TFRC: variants seen among roughly 807,000 people sequenced by gnomAD.
TFRC encodes the protein transferrin receptor protein 1.
TFRC carries 35 observed loss-of-function variants against 85.8 expected under a neutral mutation model. The ratio of observed to expected loss-of-function variants is 0.41; its 90% CI spans 0.31 to 0.54. The LOEUF (loss-of-function observed/expected upper bound fraction) is 0.54, where lower values mean the gene tolerates loss of function less well. Ranked by LOEUF, TFRC falls within the 20% of genes least tolerant of loss-of-function variation. The pLI is 0.31. For synonymous variants in TFRC, 362 were observed against 328.6 expected (o/e 1.10, Z -1.10); for missense variants, 828 against 921.5 (o/e 0.90, Z 1.31).
chr3:196,070,416 C>G (rs981772372), intron 6 of TFRC, among the ~76,000 whole-genome samples: 1 of 152,120 alleles, frequency 6.6e-6, no homozygotes, highest in African/African-American at 2.4e-5. Flanking sequence ...AGGCACCCAC[C>G]ACCACGCCTG....
chr3:196,079,368 T>C (rs1449632271), intron 1 of TFRC, among the ~76,000 whole-genome samples: 1 of 151,776 alleles, frequency 6.6e-6, no homozygotes, highest in African/African-American at 2.4e-5. Context: ...CAGCAACACT[T>C]TGGGAGGCCG....
intron 11 of TFRC, 111 bp from the exon 12 acceptor site, chr3:196,063,050 C>A: frequency 2.3e-5 from 16 of 688,516 alleles, no homozygotes; most frequent in Admixed American, 7.5e-5. Flanking sequence ...TAGCAGATTC[C>A]AAAATCTTTT....
chr3:196,071,858 T>C (rs1718236511), intron 5 of TFRC, 145 bp downstream of exon 5: 2 of 844,000 alleles, frequency 2.4e-6, no homozygotes, highest in African/African-American at 3.4e-5. Flanking sequence ...GAGCAGAGAT[T>C]GTGCCACTGC....
rs1716185220 is a variant in TFRC at position 196,050,047 on chromosome 3, T to C, written c.*1895A>G. On this transcript the variant is annotated 3_prime_UTR_variant, in exon 19 of 19. Transcript: ENST00000360110. ...CACCACGAATGGGTAGGCAGACGTGTCAGACCTTCAGGGGACTCTCCTTCC... is the reference window on the plus strand; with the variant it reads ...CACCACGAATGGGTAGGCAGACGTGCCAGACCTTCAGGGGACTCTCCTTCC... 1.7e-5 allele frequency: 4 copies of C among 231,358 alleles called. No homozygotes were observed. Among genetic ancestry groups the C allele is most frequent in the African/African-American group, 4.4e-5 (2 of 45,226 alleles). The allele number at this position is 231,358 out of a possible 1,614,324, so 14.3% of individuals were successfully genotyped here.
In TFRC at chr3:196,069,581, C is replaced by A; in HGVS notation, c.688-13G>T. 1 of 1,488,060 alleles carries A rather than the reference C, an allele frequency of 6.7e-7. No homozygotes were observed. Among genetic ancestry groups the A allele is most frequent in the Non-Finnish European group, 9.4e-7 (1 of 1,067,582 alleles). 92.2% of individuals were successfully genotyped at this position (1,488,060 alleles called of 1,614,324 possible). A position where few individuals can be genotyped will look rare whatever the true frequency, so the allele number is the denominator to read the frequency against. ...GGACCAGTTTACCCTAGAACAAAGACATTAGATTTAATGAGCATTATGGTA... is the reference window on the plus strand; with the variant it reads ...GGACCAGTTTACCCTAGAACAAAGAAATTAGATTTAATGAGCATTATGGTA... On this transcript the variant is annotated splice_polypyrimidine_tract_variant and intron_variant, in intron 6 of 18. Transcript: ENST00000360110.
rs986428206 is a variant in TFRC at position 196,060,658 on chromosome 3, T to C, written c.1469-411A>G. 1.9e-5 allele frequency: 3 copies of C among 160,610 alleles called. No individual in the cohort carries two copies. The Admixed American group carries it at 1.9e-4, about 10-fold the overall frequency. The allele number at this position is 160,610 out of a possible 1,614,324, so 9.9% of individuals were successfully genotyped here. On this transcript the variant is annotated intron_variant, in intron 13 of 18. Transcript: ENST00000360110. ...CTAAAAATACAAAAAATTAGCCGGG[T>C]GTGGTGGCGGGCACCTGTAGTCCCA...
chr3:196,077,087 C>T lies in TFRC; in HGVS notation c.13G>A (p.Ala5Thr), dbSNP rs1192505797. ...ACCAAGTTAGAGAATGCTGATCTAG[C>T]TTGATCCATCATTCTGAACTGCCAC... is the stretch of plus-strand genomic sequence containing the variant. MMDQ[A>T]RSAFSNLFGG... Residue 5 changes from alanine (A) to threonine (T), a missense_variant, in exon 2 of 19, where the codon GCT becomes ACT. By Grantham distance (58) the Ala-to-Thr change is moderately conservative. Transcript: ENST00000360110. 6.2e-7 allele frequency: 1 copy of T among 1,613,772 alleles called. No homozygotes were observed. The highest frequency in any genetic ancestry group is 8.5e-7 in the Non-Finnish European group (1 of 1,179,828).
At chr3:196,068,711 T>A (rs1183967919) in intron 7 of TFRC, among the ~76,000 whole-genome samples, 3 of 147,420 alleles carry the variant, frequency 2.0e-5, no homozygotes, top group Non-Finnish European at 4.5e-5. Context: ...GTGGATCACC[T>A]GACGTCAGGA....
At chr3:196,064,502 G>A (rs1176665620) in intron 10 of TFRC, 74 bp from the exon 11 acceptor site, 4 of 1,425,410 alleles carry the variant, frequency 2.8e-6, no homozygotes, top group Admixed American at 2.5e-5. Context: ...TAGCACATCA[G>A]TAGAAAGGTA....
intron 16 of TFRC, among the ~76,000 whole-genome samples, chr3:196,057,153 G>C (rs1189267558): frequency 6.6e-6 from 1 of 152,174 alleles, no homozygotes; most frequent in African/African-American, 2.4e-5. Flanking sequence ...AAAGAAAGAA[G>C]AAGTAAAAAC....
chr3:196,057,797 AAC>A (rs1418635301), intron 16 of TFRC, among the ~76,000 whole-genome samples: 4 of 147,098 alleles, frequency 2.7e-5, no homozygotes, highest in African/African-American at 5.3e-5. Context: ...AAAAAAAAAA[AAC>A]AAAACAAAAA....
chr3:196,068,387 G>A (rs1436231480), intron 7 of TFRC, among the ~76,000 whole-genome samples: 1 of 150,298 alleles, frequency 6.7e-6, no homozygotes, highest in African/African-American at 2.5e-5. Flanking sequence ...CTGAGGCAGG[G>A]GGATCACAAG....
At chr3:196,081,339 C>T (rs41300409) in intron 1 of TFRC, among the ~76,000 whole-genome samples, 2 of 152,342 alleles carry the variant, frequency 1.3e-5, no homozygotes, top group East Asian at 1.9e-4. Context: ...CAGAGCATGG[C>T]AAGATCAGGT....
At position 196,049,433 on chromosome 3, in the gene TFRC, T is replaced by C. The variant is rs1716110818; in HGVS notation, c.*2509A>G. 2 of 213,428 alleles carry C rather than the reference T, an allele frequency of 9.4e-6. No individual in the cohort carries two copies. The highest frequency in any genetic ancestry group is 2.3e-5 in the African/African-American group (1 of 44,254). 13.2% of individuals were successfully genotyped at this position (213,428 alleles called of 1,614,324 possible). On this transcript the variant is annotated 3_prime_UTR_variant, in exon 19 of 19. Coordinates refer to ENST00000360110, the MANE Select transcript of TFRC (RefSeq NM_001128148.3). ...CAAAGAGCTAACACAGTAAAGGTCA[T>C]GCAAGTTCTAGAATAGTGAATCATG...
chr3:196,052,286 A>G, intron 18 of TFRC, 102 bp from the exon 19 acceptor site: 1 of 987,658 alleles, frequency 1.0e-6, no homozygotes, highest in South Asian at 1.8e-5. Flanking sequence ...AAGAATGCCG[A>G]TCAGACTTTT....
intron 18 of TFRC, among the ~76,000 whole-genome samples, 183 bp from the exon 19 acceptor site, chr3:196,052,367 C>G (rs952758055): frequency 1.6e-4 from 23 of 147,694 alleles, no homozygotes; most frequent in African/African-American, 5.0e-4. Context: ...AGCGCTATCT[C>G]GGCTCACTGG....
At chr3:196,078,920 C>T (rs1473895156) in intron 1 of TFRC, among the ~76,000 whole-genome samples, 5 of 151,730 alleles carry the variant, frequency 3.3e-5, no homozygotes, top group Non-Finnish European at 7.4e-5. Flanking sequence ...ATTACAGGTG[C>T]CCACCACCAT....
At chr3:196,053,062 C>T (rs1716470906) in intron 18 of TFRC, among the ~76,000 whole-genome samples, 2 of 151,364 alleles carry the variant, frequency 1.3e-5, no homozygotes, top group South Asian at 4.2e-4. Flanking sequence ...TGCAGTGAGC[C>T]GAGACCGTGC....
chr3:196,054,106 C>G (rs1226982468), intron 17 of TFRC, among the ~76,000 whole-genome samples: 1 of 152,072 alleles, frequency 6.6e-6, no homozygotes, highest in African/African-American at 2.4e-5. Context: ...GGCGTGGTGG[C>G]CGGCACCTGT....
Sources: gnomAD v4.1 joint callset for allele counts (sites outside exome capture counted in the v4.1 genomes callset) on GRCh38, gnomAD v4.1.1 for gene constraint, MANE v1.5 for transcripts, NCBI Gene and HGNC (gene_info 2026-07-23, HGNC 2026-07-21) for gene names.